Variants in SOCS5 observed in about 807,000 individuals in gnomAD.
SOCS5 encodes the protein suppressor of cytokine signaling 5.
In SOCS5, 32 loss-of-function variants were observed where a neutral mutation model predicts 42.8. The ratio of observed to expected loss-of-function variants is 0.75; its 90% CI spans 0.56 to 1.01. The LOEUF (loss-of-function observed/expected upper bound fraction) is 1.01, where lower values mean the gene tolerates loss of function less well. SOCS5 is among the 50% of genes least tolerant of loss of function. SOCS5 has a pLI of 0.00. For missense variants in SOCS5, 627 were observed against 653.0 expected, an observed-to-expected ratio of 0.96 and a Z score of 0.43; for synonymous variants, 283 against 229.6, an observed-to-expected ratio of 1.23 and a Z score of -2.10.
Position 46,759,763 on chromosome 2 carries a change from G to T in SOCS5, c.1233G>T (p.Glu411Asp), listed in dbSNP as rs1186274628. The T allele has an allele frequency of 2.5e-6, 4 of 1,614,172 alleles. No homozygotes were observed. The highest frequency in any genetic ancestry group is 2.5e-6 in the Non-Finnish European group (3 of 1,180,014). Residue 411 changes from glutamate to aspartate, a missense_variant, in exon 2 of 2, where the codon GAG (glutamate) becomes GAT (aspartate). Physicochemically the swap from Glu to Asp is conservative, Grantham distance 45. Coordinates refer to ENST00000394861, the MANE Select transcript of SOCS5 (RefSeq NM_144949.3). The part of the protein sequence containing the change: ...GTFLLRDSAQ[E>D]DYLFSVSFRR... ...TTTTGCTCAGGGACTCTGCGCAAGA[G>T]GACTACCTCTTCTCTGTGAGCTTCC...
In SOCS5 at chr2:46,759,906, A is replaced by T; in HGVS notation, c.1376A>T (p.Tyr459Phe). The change falls in exon 2 of 2, where the codon TAT (tyrosine) becomes TTT (phenylalanine). Residue 459 changes from tyrosine (Y) to phenylalanine (F), a missense_variant. By Grantham distance (22) the Tyr-to-Phe change is conservative. Transcript: ENST00000394861. ...ACTGTAACGGGACTTTTAGAACATTATAAAGATCCCAGTTCGTGCATGTTT... is the reference window on the plus strand; with the variant it reads ...ACTGTAACGGGACTTTTAGAACATTTTAAAGATCCCAGTTCGTGCATGTTT... ...SSTVTGLLEH[Y>F]KDPSSCMFFE... The T allele has an allele frequency of 1.2e-6, 2 of 1,614,128 alleles. No individual in the cohort carries two copies. The highest frequency in any genetic ancestry group is 1.7e-6 in the Non-Finnish European group (2 of 1,180,004).
At chr2:46,735,655 C>T (rs1673226832) in intron 1 of SOCS5, among the ~76,000 whole-genome samples, 1 of 151,906 alleles carries the variant, frequency 6.6e-6, no homozygotes, top group African/African-American at 2.4e-5. Flanking sequence ...AAGCTTAGCA[C>T]ATAGTCCATG....
In SOCS5 at chr2:46,762,254, G is replaced by T. The variant is rs976519938; in HGVS notation, c.*2113G>T. Reference sequence around the variant, plus strand: ...GACATAATTATATTGCCTAATTGTTGGGTCTTTTTTCTTGAGCTTATAATG... The same window carrying T: ...GACATAATTATATTGCCTAATTGTTTGGTCTTTTTTCTTGAGCTTATAATG... On this transcript the variant is annotated 3_prime_UTR_variant, in exon 2 of 2. Transcript: ENST00000394861. 4 of 166,696 alleles carry T rather than the reference G, an allele frequency of 2.4e-5. No homozygotes were observed. Among genetic ancestry groups the T allele is most frequent in the African/African-American group, 9.7e-5 (4 of 41,404 alleles). The allele number at this position is 166,696 out of a possible 1,614,324, so 10.3% of individuals were successfully genotyped here.
At chr2:46,758,439 G>A (rs984245829) in intron 1 of SOCS5, 80 bp from the exon 2 acceptor site, 10 of 898,798 alleles carry the variant, frequency 1.1e-5, no homozygotes, top group Middle Eastern at 2.8e-4. Flanking sequence ...TGGACGGGAA[G>A]GGGTGTGGGC....
intron 1 of SOCS5, among the ~76,000 whole-genome samples, chr2:46,716,996 C>T (rs1230379651): frequency 1.3e-5 from 2 of 152,160 alleles, no homozygotes; most frequent in African/African-American, 4.8e-5. Context: ...TGTGTGAACT[C>T]TAAATCGTTG....
chr2:46,744,564 G>C (rs1349632795), intron 1 of SOCS5, among the ~76,000 whole-genome samples: 1 of 143,308 alleles, frequency 7.0e-6, no homozygotes, highest in Non-Finnish European at 1.5e-5. Flanking sequence ...TTTTGCTCTT[G>C]TTGCCCAAGC....
At chr2:46,741,384 G>A (rs74832486) in intron 1 of SOCS5, among the ~76,000 whole-genome samples, 9,287 of 152,120 alleles carry the variant, frequency 0.061, 317 homozygotes, top group Middle Eastern at 0.13. Flanking sequence ...GATTACAAGC[G>A]TGCGCCACCA....
At chr2:46,709,560 G>C (rs1295045783) in intron 1 of SOCS5, among the ~76,000 whole-genome samples, 1 of 152,142 alleles carries the variant, frequency 6.6e-6, no homozygotes, top group African/African-American at 2.4e-5. Context: ...ATTAGGAGTT[G>C]GGAAAAACAG....
chr2:46,702,181 A>G (rs1381236262), intron 1 of SOCS5, among the ~76,000 whole-genome samples: 3 of 151,924 alleles, frequency 2.0e-5, no homozygotes, highest in Non-Finnish European at 4.4e-5. Context: ...CAAATATTAG[A>G]CATTATTCTC....
At position 46,760,952 on chromosome 2, in the gene SOCS5, C is replaced by G. The variant is rs1673854998; in HGVS notation, c.*811C>G. On this transcript the variant is annotated 3_prime_UTR_variant, in exon 2 of 2. Coordinates refer to ENST00000394861, the MANE Select transcript of SOCS5 (RefSeq NM_144949.3). ...ATAAAAGTTGGATCTGTTCCTATGC[C>G]CAGGATGATTTTGTGAACCGTGAAG... The G allele has an allele frequency of 6.0e-6, 1 of 166,832 alleles. No individual in the cohort carries two copies. The highest frequency in any genetic ancestry group is 2.4e-5 in the African/African-American group (1 of 41,336). The allele number at this position is 166,832 out of a possible 1,614,324, so 10.3% of individuals were successfully genotyped here.
rs538324096 is a variant in SOCS5 at position 46,708,512 on chromosome 2, T to C, written c.-13+9063T>C. ...ATTTTGTAGCTGAAAATTATGAAAA[T>C]AGATGAGTAATGCCCATAATATCTA... On this transcript the variant is annotated intron_variant, in intron 1 of 1. Transcript: ENST00000394861. Among the ~76,000 whole-genome samples, 16 of 152,246 alleles carry C rather than the reference T, an allele frequency of 1.1e-4. No individual in the cohort carries two copies. In the South Asian group the frequency reaches 3.1e-3, roughly 30 times the overall value.
chr2:46,726,254 G>A (rs957486931), intron 1 of SOCS5, among the ~76,000 whole-genome samples: 31 of 152,094 alleles, frequency 2.0e-4, no homozygotes, highest in Non-Finnish European at 2.9e-4. Context: ...GCACCACCAT[G>A]CTCGGCTAAT....
chr2:46,729,357 G>T lies in SOCS5; in HGVS notation c.-12-29162G>T, dbSNP rs139470611. Among the ~76,000 whole-genome samples the T allele has an allele frequency of 4.6e-5, 7 of 152,260 alleles. No homozygotes were observed. In the East Asian group the frequency reaches 9.6e-4, roughly 21 times the overall value. On this transcript the variant is annotated intron_variant, in intron 1 of 1. Transcript: ENST00000394861. Reference sequence around the variant, plus strand: ...GTAGCCATAGTTGCTTAACAACAGGGATACGTTCTGGGAAGTATGTCATTA... The same window carrying T: ...GTAGCCATAGTTGCTTAACAACAGGTATACGTTCTGGGAAGTATGTCATTA...
At chr2:46,710,863 G>T (rs1672605593) in intron 1 of SOCS5, among the ~76,000 whole-genome samples, 1 of 152,134 alleles carries the variant, frequency 6.6e-6, no homozygotes, top group Non-Finnish European at 1.5e-5. Flanking sequence ...CCTTTTCCGT[G>T]GCTGCAGTCA....
At chr2:46,727,368 C>A (rs1002970204) in intron 1 of SOCS5, among the ~76,000 whole-genome samples, 3 of 152,086 alleles carry the variant, frequency 2.0e-5, no homozygotes, top group African/African-American at 7.2e-5. Flanking sequence ...TTTATTGTCC[C>A]ATGCAAGTTG....
intron 1 of SOCS5, among the ~76,000 whole-genome samples, chr2:46,712,336 C>CTTTTT (rs70940636): frequency 5.7e-4 from 37 of 64,974 alleles, no homozygotes; most frequent in Non-Finnish European, 7.6e-4. Context: ...GGATGTTTAG[C>CTTTTT]TTTTTTTTTT....
chr2:46,702,896 C>T (rs954860821), intron 1 of SOCS5, among the ~76,000 whole-genome samples: 9 of 152,196 alleles, frequency 5.9e-5, no homozygotes, highest in African/African-American at 1.7e-4. Context: ...CTTCTGCCTT[C>T]TCAGGTTTTT....
chr2:46,712,902 C>CT (rs1306290238), intron 1 of SOCS5, among the ~76,000 whole-genome samples: 1 of 151,942 alleles, frequency 6.6e-6, no homozygotes, highest in East Asian at 1.9e-4. Context: ...GTTATGCTGA[C>CT]TTTTTTTATG....
intron 1 of SOCS5, among the ~76,000 whole-genome samples, chr2:46,750,754 A>G (rs13025595): frequency 0.29 from 44,380 of 152,080 alleles, 7,442 homozygotes; most frequent in Non-Finnish European, 0.38. Flanking sequence ...AGGCCCATGA[A>G]TATACTTGAG....
Sources: gnomAD v4.1 joint callset for allele counts (sites outside exome capture counted in the v4.1 genomes callset) on GRCh38, gnomAD v4.1.1 for gene constraint, MANE v1.5 for transcripts, NCBI Gene and HGNC (gene_info 2026-07-23, HGNC 2026-07-21) for gene names.